Variants in NR2C1 observed in about 807,000 individuals in gnomAD.
NR2C1 encodes nuclear receptor subfamily 2 group C member 1.
Under a neutral mutation model 74.8 loss-of-function variants are expected in NR2C1, and 33 were observed. The observed-to-expected ratio is 0.44, with a 90% CI of 0.33 to 0.59. The LOEUF (loss-of-function observed/expected upper bound fraction) is 0.59. Among genes scored for constraint, NR2C1 ranks in the 20% least tolerant of loss-of-function variants. The pLI is 0.02. For missense variants in NR2C1, 568 were observed against 715.6 expected, an observed-to-expected ratio of 0.79 and a Z score of 2.35; for synonymous variants, 225 against 240.6, an observed-to-expected ratio of 0.94 and a Z score of 0.60.
intron 8 of NR2C1, among the ~76,000 whole-genome samples, chr12:95,049,800 T>C (rs1307807709): frequency 1.3e-5 from 2 of 152,158 alleles, no homozygotes; most frequent in African/African-American, 4.8e-5. Flanking sequence ...AACATTTTAC[T>C]CATGTTTATT....
At chr12:95,049,925 G>A (rs1007961911) in intron 8 of NR2C1, among the ~76,000 whole-genome samples, 4 of 151,980 alleles carry the variant, frequency 2.6e-5, no homozygotes, top group Admixed American at 6.6e-5. Flanking sequence ...TCAACCTCCC[G>A]AGCAGCTGGG....
At chr12:95,059,176 C>T (rs552133057) in intron 4 of NR2C1, among the ~76,000 whole-genome samples, 44 of 151,844 alleles carry the variant, frequency 2.9e-4, no homozygotes, top group African/African-American at 9.9e-4. Flanking sequence ...GTGGCACACG[C>T]CTGTAGTCCC....
chr12:95,031,179 T>C (rs1870051174), intron 11 of NR2C1, among the ~76,000 whole-genome samples, 170 bp downstream of exon 11: 1 of 151,790 alleles, frequency 6.6e-6, no homozygotes. Context: ...AAAAATATTT[T>C]TAGAGGATTA....
At chr12:95,064,212 C>T (rs562820300) in intron 2 of NR2C1, among the ~76,000 whole-genome samples, 9 of 151,002 alleles carry the variant, frequency 6.0e-5, no homozygotes, top group African/African-American at 1.9e-4. Flanking sequence ...GCCTGTAATC[C>T]GAGCTATGTG....
intron 9 of NR2C1, among the ~76,000 whole-genome samples, chr12:95,048,403 A>AC (rs1465839468): frequency 6.6e-6 from 1 of 152,218 alleles, no homozygotes; most frequent in Non-Finnish European, 1.5e-5. Context: ...GCCAATACTT[A>AC]AAGTTTAACA....
At chr12:95,068,967 G>C (rs902787318) in intron 1 of NR2C1, among the ~76,000 whole-genome samples, 3 of 144,952 alleles carry the variant, frequency 2.1e-5, no homozygotes, top group African/African-American at 7.6e-5. Flanking sequence ...TGTCTCAAAA[G>C]AAAAAAAAAG....
chr12:95,033,573 T>C (rs1870427035), intron 10 of NR2C1, among the ~76,000 whole-genome samples: 1 of 152,220 alleles, frequency 6.6e-6, no homozygotes, highest in South Asian at 2.1e-4. Flanking sequence ...TACTAAATGC[T>C]ATCCTATTGT....
In NR2C1 at chr12:95,022,212, C is replaced by T; in HGVS notation, c.*17G>A. 1.3e-6 allele frequency: 2 copies of T among 1,597,570 alleles called. No homozygotes were observed. Among genetic ancestry groups the T allele is most frequent in the Non-Finnish European group, 8.5e-7 (1 of 1,172,986 alleles). ...TGGCAAAGAACAGTTAAGTTTACAG[C>T]ACTGCAGTCACAGTTTTCAAATGCT... On this transcript the variant is annotated 3_prime_UTR_variant, in exon 14 of 14. Transcript: ENST00000333003.
At chr12:95,068,348 T>C (rs1876046215) in intron 1 of NR2C1, among the ~76,000 whole-genome samples, 1 of 152,242 alleles carries the variant, frequency 6.6e-6, no homozygotes, top group Non-Finnish European at 1.5e-5. Flanking sequence ...TCTGAGGTAC[T>C]GGTGGTCAGG....
intron 7 of NR2C1, among the ~76,000 whole-genome samples, chr12:95,056,207 A>G (rs1483600528): frequency 6.6e-6 from 1 of 152,150 alleles, no homozygotes; most frequent in Non-Finnish European, 1.5e-5. Flanking sequence ...ACGAGGCTGC[A>G]GCAAGCCATT....
At chr12:95,028,690 G>A (rs112857423) in intron 11 of NR2C1, among the ~76,000 whole-genome samples, 166 bp from the exon 12 acceptor site, 1,834 of 152,188 alleles carry the variant, frequency 0.012, 26 homozygotes, top group African/African-American at 0.042. Context: ...AGTGCAGTGC[G>A]GTGATCTTGG....
chr12:95,071,978 C>T (rs1876707619), intron 1 of NR2C1, among the ~76,000 whole-genome samples: 1 of 151,576 alleles, frequency 6.6e-6, no homozygotes, highest in South Asian at 2.1e-4. Context: ...GAACTCCCGA[C>T]TTCAGATGAT....
In NR2C1 at chr12:95,028,178, A is replaced by G. The variant is rs926247014; in HGVS notation, c.1531+209T>C. On this transcript the variant is annotated intron_variant, in intron 12 of 13. Transcript: ENST00000333003. ...TGACTATTTATATACACATTCTTGC[A>G]TAGATATATATTTTTCATTTCTCTT... is the stretch of plus-strand genomic sequence containing the variant. 2.3e-5 allele frequency: 11 copies of G among 472,248 alleles called. No homozygotes were observed. The Admixed American group carries it at 3.5e-4, about 15-fold the overall frequency. The allele number at this position is 472,248 out of a possible 1,614,324, so 29.3% of individuals were successfully genotyped here. A position where few individuals can be genotyped will look rare whatever the true frequency, so the allele number is the denominator to read the frequency against.
At chr12:95,068,837 C>T (rs1876142394) in intron 1 of NR2C1, among the ~76,000 whole-genome samples, 1 of 151,034 alleles carries the variant, frequency 6.6e-6, no homozygotes, top group African/African-American at 2.4e-5. Context: ...GTGGCGGGTG[C>T]CCGTAATCCC....
chr12:95,069,253 T>C (rs1361648793), intron 1 of NR2C1, among the ~76,000 whole-genome samples: 2 of 152,156 alleles, frequency 1.3e-5, no homozygotes, highest in Non-Finnish European at 2.9e-5. Context: ...AATGAAAACT[T>C]AGGGAGATAA....
chr12:95,057,753 C>G lies in NR2C1; in HGVS notation c.670G>C (p.Val224Leu). 2 of 1,614,056 alleles carry G rather than the reference C, an allele frequency of 1.2e-6. No individual in the cohort carries two copies. The part of the protein sequence containing the change: ...RSPLTATPTF[V>L]TDSESTRSTG... ...TACCTTGTACTTTCACTATCTGTTACAAAAGTTGGAGTTGCAGTTAATGGG... is the reference window on the plus strand; with the variant it reads ...TACCTTGTACTTTCACTATCTGTTAGAAAAGTTGGAGTTGCAGTTAATGGG... Residue 224 changes from valine (V) to leucine (L), a missense_variant, in exon 6 of 14, where the codon GTA becomes CTA. Val to Leu is a conservative substitution (Grantham distance 32). Coordinates refer to ENST00000333003, the MANE Select transcript of NR2C1 (RefSeq NM_003297.4).
chr12:95,052,392 G>C (rs1470728696), intron 7 of NR2C1, among the ~76,000 whole-genome samples: 1 of 152,224 alleles, frequency 6.6e-6, no homozygotes, highest in African/African-American at 2.4e-5. Flanking sequence ...CTGACCTCAT[G>C]ATCTGCCTGC....
chr12:95,061,882 C>A lies in NR2C1; in HGVS notation c.285+626G>T, dbSNP rs569868006. ...GAAGAATAATGTGTAATTTTCTATT[C>A]TAGCGAAAACTAAAATGATGTAATG... On this transcript the variant is annotated intron_variant, in intron 3 of 13. Transcript: ENST00000333003. Among the ~76,000 whole-genome samples, 11 of 152,280 alleles carry A rather than the reference C, an allele frequency of 7.2e-5. No homozygotes were observed. In the East Asian group the frequency reaches 1.7e-3, roughly 24 times the overall value.
At chr12:95,042,036 T>C (rs1871605871) in intron 9 of NR2C1, among the ~76,000 whole-genome samples, 1 of 152,026 alleles carries the variant, frequency 6.6e-6, no homozygotes, top group Admixed American at 6.6e-5. Flanking sequence ...TGTAAAACAG[T>C]ATGTATTAAA....
Sources: allele counts gnomAD v4.1 joint callset (sites outside exome capture counted in the v4.1 genomes callset), GRCh38; gene constraint gnomAD v4.1.1; transcripts MANE v1.5; gene names NCBI Gene and HGNC (gene_info 2026-07-23, HGNC 2026-07-21).